The following TRIM9 variants were observed in gnomAD, a reference collection of about 807,000 sequenced individuals.
TRIM9 encodes the protein tripartite motif containing 9.
TRIM9 carries 26 observed loss-of-function variants against 78.3 expected under a neutral mutation model. The ratio of observed to expected loss-of-function variants is 0.33; its 90% CI spans 0.24 to 0.46. TRIM9 has a LOEUF of 0.46. TRIM9 is among the 20% of genes least tolerant of loss of function. TRIM9 has a pLI of 1.00. For missense variants in TRIM9, 787 were observed against 1,036.4 expected, an observed-to-expected ratio of 0.76 and a Z score of 3.30; for synonymous variants, 398 against 416.5, an observed-to-expected ratio of 0.96 and a Z score of 0.54.
At chr14:51,005,754 T>C (rs990789928) in intron 5 of TRIM9, among the ~76,000 whole-genome samples, 6 of 152,220 alleles carry the variant, frequency 3.9e-5, no homozygotes, top group Non-Finnish European at 7.3e-5. Context: ...CTTCCAGTTT[T>C]CTGGAAAGAG....
intron 1 of TRIM9, among the ~76,000 whole-genome samples, chr14:51,081,407 A>C (rs1204997974): frequency 1.3e-5 from 2 of 152,200 alleles, no homozygotes; most frequent in African/African-American, 4.8e-5. Flanking sequence ...GGAATGTAAG[A>C]TGGTATAGCT....
chr14:51,000,869 T>G, intron 5 of TRIM9, 29 bp from the exon 6 acceptor site: 1 of 1,612,314 alleles, frequency 6.2e-7, no homozygotes, highest in Non-Finnish European at 8.5e-7. Context: ...AACTCTGGCT[T>G]CTGTTAAGCT....
At chr14:51,016,542 TTA>T (rs1294156303) in intron 3 of TRIM9, among the ~76,000 whole-genome samples, 9 of 137,972 alleles carry the variant, frequency 6.5e-5, no homozygotes, top group African/African-American at 2.2e-4. Context: ...CACAATAACA[TTA>T]TGTTATTATT....
At chr14:51,025,049 C>G (rs970194609) in intron 2 of TRIM9, among the ~76,000 whole-genome samples, 1 of 152,166 alleles carries the variant, frequency 6.6e-6, no homozygotes, top group African/African-American at 2.4e-5. Flanking sequence ...GTTGGAAAAT[C>G]AGGCTGTGTT....
rs1312146179 is a variant in TRIM9, at chr14:51,001,529, G to A, written c.1307-689C>T. Among the ~76,000 whole-genome samples, 3 of 151,918 alleles carry A rather than the reference G, an allele frequency of 2.0e-5. No individual in the cohort carries two copies. The East Asian group carries it at 5.8e-4, about 29-fold the overall frequency. On this transcript the variant is annotated intron_variant, in intron 5 of 12. Transcript: ENST00000684578. ...CAGGCGTGAGCCACCGCGCCCGGCCGCTGTGCTAATAATTTTATCATAAAA... is the reference window on the plus strand; with the variant it reads ...CAGGCGTGAGCCACCGCGCCCGGCCACTGTGCTAATAATTTTATCATAAAA...
At chr14:51,048,710 C>T (rs989064213) in intron 1 of TRIM9, among the ~76,000 whole-genome samples, 49 of 151,886 alleles carry the variant, frequency 3.2e-4, no homozygotes, top group South Asian at 2.1e-4. Context: ...GGGGGCCGGG[C>T]GCAGTGGCTC....
At chr14:51,076,820 C>G (rs561726179) in intron 1 of TRIM9, among the ~76,000 whole-genome samples, 1 of 152,336 alleles carries the variant, frequency 6.6e-6, no homozygotes, top group South Asian at 2.1e-4. Context: ...TACCACCGTC[C>G]TTCCCACTGC....
intron 1 of TRIM9, among the ~76,000 whole-genome samples, chr14:51,050,322 T>C (rs2060297070): frequency 6.6e-6 from 1 of 152,102 alleles, no homozygotes; most frequent in African/African-American, 2.4e-5. Flanking sequence ...ACTGTTCTCG[T>C]GGTAGTGAGT....
At chr14:51,031,456 C>T (rs1209268014) in intron 1 of TRIM9, among the ~76,000 whole-genome samples, 1 of 152,162 alleles carries the variant, frequency 6.6e-6, no homozygotes, top group Non-Finnish European at 1.5e-5. Context: ...GGTCTAACTT[C>T]AATAAGCACA....
intron 1 of TRIM9, among the ~76,000 whole-genome samples, chr14:51,056,545 A>C (rs1187608851): frequency 6.6e-6 from 1 of 152,232 alleles, no homozygotes; most frequent in Non-Finnish European, 1.5e-5. Flanking sequence ...TTTTCCAGGC[A>C]GTTTGGAAAT....
rs3029461 is a variant in TRIM9 at position 51,007,800 on chromosome 14, C to CA, written c.1306+1279dup. Among the ~76,000 whole-genome samples, 475 of 132,818 alleles carry CA rather than the reference C, an allele frequency of 3.6e-3. 5 individuals carry two copies. Among genetic ancestry groups the CA allele is most frequent in the South Asian group, 0.028 (114 of 4,056 alleles). The allele number at this position is 132,818 out of a possible 152,430, so 87.1% of individuals were successfully genotyped here. On this transcript the variant is annotated intron_variant, in intron 5 of 12. Transcript: ENST00000684578. The stretch of plus-strand genomic sequence containing the variant: ...CTTCCCAAAGCAACACATATTAAAC[C>CA]AAAAAAAAAAAAAAAAAGGACAAAA...
At chr14:51,034,417 C>A (rs989839956) in intron 1 of TRIM9, among the ~76,000 whole-genome samples, 2 of 152,054 alleles carry the variant, frequency 1.3e-5, no homozygotes, top group African/African-American at 4.8e-5. Flanking sequence ...AATGAGATTC[C>A]GTTCTTTGCT....
intron 1 of TRIM9, 80 bp from the exon 2 acceptor site, chr14:51,025,440 G>GTCA (rs1483258520): frequency 2.1e-6 from 1 of 477,792 alleles, no homozygotes; most frequent in African/African-American, 2.8e-5. Flanking sequence ...AAACTGAAGA[G>GTCA]TCATCAACCT....
intron 7 of TRIM9, chr14:50,996,707 C>A: frequency 2.0e-6 from 2 of 985,428 alleles, no homozygotes; most frequent in African/African-American, 3.5e-5. Context: ...AAAGAGGCAA[C>A]TGCTCTCAAA....
In TRIM9 at chr14:50,985,834, C is replaced by T. The variant is rs185801553; in HGVS notation, c.1792+122G>A. On this transcript the variant is annotated intron_variant, in intron 8 of 12. Coordinates refer to ENST00000684578, the MANE Select transcript of TRIM9 (RefSeq NM_001387360.1). ...GATGCTCCTCATACGGAAAGCAGGC[C>T]ACAGACAGAGACTAGCTCATCCCCC... The T allele has an allele frequency of 1.7e-4, 152 of 903,380 alleles. No homozygotes were observed. In the African/African-American group the frequency reaches 2.3e-3, roughly 14 times the overall value. 56.0% of individuals were successfully genotyped at this position (903,380 alleles called of 1,614,324 possible). A position where few individuals can be genotyped will look rare whatever the true frequency, so the allele number is the denominator to read the frequency against.
intron 1 of TRIM9, among the ~76,000 whole-genome samples, chr14:51,045,745 T>C (rs770862761): frequency 9.9e-5 from 15 of 152,218 alleles, no homozygotes; most frequent in Non-Finnish European, 2.1e-4. Context: ...GATTCTTCTA[T>C]GAGCTTGATT....
chr14:50,983,624 C>T (rs2052299116), intron 8 of TRIM9, among the ~76,000 whole-genome samples: 1 of 152,160 alleles, frequency 6.6e-6, no homozygotes, highest in Admixed American at 6.5e-5. Flanking sequence ...ATCTTTTTAC[C>T]ATTTAATAAA....
In TRIM9 at chr14:51,010,502, T is replaced by TAA. The variant is rs113787131; in HGVS notation, c.1042-10_1042-9dup. The TAA allele has an allele frequency of 2.7e-5, 40 of 1,458,686 alleles. No individual in the cohort carries two copies. Among genetic ancestry groups the TAA allele is most frequent in the Non-Finnish European group, 3.5e-5 (38 of 1,074,472 alleles). The allele number at this position is 1,458,686 out of a possible 1,614,324, so 90.4% of individuals were successfully genotyped here. A position where few individuals can be genotyped will look rare whatever the true frequency, so the allele number is the denominator to read the frequency against. On this transcript the variant is annotated splice_polypyrimidine_tract_variant and intron_variant, in intron 3 of 12. Transcript: ENST00000684578. ...GATCTGATCTCGAACCACCTAGGAT[T>TAA]AAAAAAAAAACAACAGAACAGTCCA...
At chr14:51,080,729 A>G (rs1014324390) in intron 1 of TRIM9, among the ~76,000 whole-genome samples, 2 of 152,156 alleles carry the variant, frequency 1.3e-5, no homozygotes, top group African/African-American at 4.8e-5. Flanking sequence ...GAATACTGCC[A>G]TGGTAACCCT....
Sources: gnomAD v4.1 joint callset for allele counts (sites outside exome capture counted in the v4.1 genomes callset) on GRCh38, gnomAD v4.1.1 for gene constraint, MANE v1.5 for transcripts, NCBI Gene and HGNC (gene_info 2026-07-23, HGNC 2026-07-21) for gene names.